The following RAD23B variants were observed in gnomAD, a reference collection of about 807,000 sequenced individuals.
RAD23B encodes RAD23 nucleotide excision repair protein B.
RAD23B carries 5 observed loss-of-function variants against 49.1 expected under a neutral mutation model. That is an observed-to-expected ratio of 0.10 (90% CI 0.05 to 0.21). RAD23B has a LOEUF of 0.21. Ranked by LOEUF, RAD23B falls within the 10% of genes least tolerant of loss-of-function variation. RAD23B has a pLI of 1.00. For missense variants in RAD23B, 356 were observed against 486.7 expected, an observed-to-expected ratio of 0.73 and a Z score of 2.53; for synonymous variants, 184 against 165.4, an observed-to-expected ratio of 1.11 and a Z score of -0.86.
Position 107,331,557 on chromosome 9 carries a change from C to T in RAD23B, c.*1901C>T. ...TTCTCAGGAGAATAAAATGAGAATT[C>T]ATATATACGTTCATCTTTCAAGTCA... On this transcript the variant is annotated 3_prime_UTR_variant, in exon 10 of 10. Coordinates refer to ENST00000358015, the MANE Select transcript of RAD23B (RefSeq NM_002874.5). 1.6e-6 allele frequency: 1 copy of T among 644,390 alleles called. No individual in the cohort carries two copies. The highest frequency in any genetic ancestry group is 2.8e-6 in the Non-Finnish European group (1 of 357,020). 39.9% of individuals were successfully genotyped at this position (644,390 alleles called of 1,614,324 possible).
At chr9:107,305,052 G>T (rs540871500) in intron 3 of RAD23B, among the ~76,000 whole-genome samples, 45 of 152,304 alleles carry the variant, frequency 3.0e-4, no homozygotes, top group Non-Finnish European at 5.7e-4. Flanking sequence ...GCCTTGGGAG[G>T]CCAAGGTGGG....
intron 7 of RAD23B, 104 bp from the exon 8 acceptor site, chr9:107,323,786 A>C: frequency 1.8e-6 from 2 of 1,101,288 alleles, no homozygotes; most frequent in Non-Finnish European, 1.4e-6. Flanking sequence ...TGAGAACTCA[A>C]ATCATTTTTT....
chr9:107,323,486 A>G (rs1233755869), intron 7 of RAD23B, among the ~76,000 whole-genome samples: 2 of 152,168 alleles, frequency 1.3e-5, no homozygotes, highest in Non-Finnish European at 2.9e-5. Context: ...TTGTTTATAA[A>G]GTAAGTGAGT....
Position 107,309,202 on chromosome 9 carries a change from G to C in RAD23B, c.498-2480G>C, listed in dbSNP as rs554294892. On this transcript the variant is annotated intron_variant, in intron 4 of 9. Coordinates refer to ENST00000358015, the MANE Select transcript of RAD23B (RefSeq NM_002874.5). ...TGAATTCTTGGGCCACCCTGGACCT[G>C]TAAATCAGAATTATCTGGGAGTGGA... Among the ~76,000 whole-genome samples the C allele has an allele frequency of 2.6e-5, 4 of 152,312 alleles. No individual in the cohort carries two copies. The East Asian group carries it at 7.7e-4, about 29-fold the overall frequency.
At chr9:107,311,785 G>A (rs1481258303) in intron 5 of RAD23B, 48 bp downstream of exon 5, 1 of 1,379,540 alleles carries the variant, frequency 7.2e-7, no homozygotes, top group Admixed American at 2.5e-5. Context: ...AGATAGGAAA[G>A]AGGTTTCACT....
rs73517731 is a variant in RAD23B at position 107,313,635 on chromosome 9, C to T, written c.553+1898C>T. Among the ~76,000 whole-genome samples, 837 of 152,304 alleles carry T rather than the reference C, an allele frequency of 5.5e-3. 7 individuals are homozygous for T. The highest frequency in any genetic ancestry group is 0.019 in the African/African-American group (803 of 41,552). ...GGGAATGACCAATACCATCCATATACTATATAGATTCCCCAAATTACAGCT... is the reference window on the plus strand; with the variant it reads ...GGGAATGACCAATACCATCCATATATTATATAGATTCCCCAAATTACAGCT... On this transcript the variant is annotated intron_variant, in intron 5 of 9. Coordinates refer to ENST00000358015, the MANE Select transcript of RAD23B (RefSeq NM_002874.5).
intron 6 of RAD23B, among the ~76,000 whole-genome samples, chr9:107,321,160 T>C (rs145687346): frequency 6.6e-6 from 1 of 152,178 alleles, no homozygotes. Context: ...AGGCATCACC[T>C]AAAAACTAAA....
intron 4 of RAD23B, 143 bp downstream of exon 4, chr9:107,306,790 T>A: frequency 1.1e-6 from 1 of 912,080 alleles, no homozygotes; most frequent in Non-Finnish European, 1.6e-6. Context: ...AAACATATGC[T>A]GCGTCTGTTT....
intron 1 of RAD23B, among the ~76,000 whole-genome samples, chr9:107,289,717 G>C (rs1443189664): frequency 6.6e-6 from 1 of 152,176 alleles, no homozygotes; most frequent in Non-Finnish European, 1.5e-5. Context: ...TACTCAGTAT[G>C]TGCCTTTTGG....
intron 1 of RAD23B, among the ~76,000 whole-genome samples, chr9:107,296,975 C>G (rs970873975): frequency 1.3e-5 from 2 of 151,636 alleles, no homozygotes; most frequent in Admixed American, 6.6e-5. Context: ...CTGCCTCAGC[C>G]TCCCGAGTAG....
chr9:107,329,862 C>G lies in RAD23B; in HGVS notation c.*206C>G. The G allele has an allele frequency of 2.7e-6, 1 of 364,254 alleles. No homozygotes were observed. The highest frequency in any genetic ancestry group is 4.3e-5 in the Admixed American group (1 of 23,078). 22.6% of individuals were successfully genotyped at this position (364,254 alleles called of 1,614,324 possible). A position where few individuals can be genotyped will look rare whatever the true frequency, so the allele number is the denominator to read the frequency against. ...AATTAGCAGATGCCGCAACTCCACA[C>G]AGTGTGTAAAATATATACAACCAAA... is the stretch of plus-strand genomic sequence containing the variant. On this transcript the variant is annotated 3_prime_UTR_variant, in exon 10 of 10. Coordinates refer to ENST00000358015, the MANE Select transcript of RAD23B (RefSeq NM_002874.5).
intron 1 of RAD23B, 92 bp from the exon 2 acceptor site, chr9:107,300,049 A>G: frequency 1.4e-6 from 2 of 1,422,912 alleles, no homozygotes; most frequent in South Asian, 2.8e-5. Flanking sequence ...ATAATTATGT[A>G]TATAATTTTT....
At position 107,283,384 on chromosome 9, in the gene RAD23B, G is replaced by A; in HGVS notation, c.-246G>A. ...GCAGACTCCGTGGCTGGCGCTCGGC[G>A]CGTGAGGAAGCACGGCGGCCCGAGT... On this transcript the variant is annotated 5_prime_UTR_variant, in exon 1 of 10. Coordinates refer to ENST00000358015, the MANE Select transcript of RAD23B (RefSeq NM_002874.5). The A allele has an allele frequency of 2.3e-6, 1 of 428,582 alleles. No individual in the cohort carries two copies. The highest frequency in any genetic ancestry group is 4.1e-6 in the Non-Finnish European group (1 of 246,510). The allele number at this position is 428,582 out of a possible 1,614,324, so 26.5% of individuals were successfully genotyped here.
rs763203241 is a variant in RAD23B, at chr9:107,322,024, C to G, written c.723C>G (p.Pro241=). The change falls in exon 7 of 10, where the codon CCC becomes CCG. Residue 241 remains proline, a synonymous_variant. Coordinates refer to ENST00000358015, the MANE Select transcript of RAD23B (RefSeq NM_002874.5). The stretch of plus-strand genomic sequence containing the variant: ...GAGAAAGTCAGGCTGTGGTTGACCC[C>G]CCTCAAGCAGCTAGTACTGGGGCTC... The part of the protein sequence containing the change: ...GDRESQAVVD[P]PQAASTGAPQ... 23 of 1,613,040 alleles carry G rather than the reference C, an allele frequency of 1.4e-5. No individual in the cohort carries two copies. The highest frequency in any genetic ancestry group is 1.3e-4 in the East Asian group (6 of 44,826).
Position 107,293,998 on chromosome 9 carries a change from T to C in RAD23B, c.67-6143T>C, listed in dbSNP as rs374153459. Among the ~76,000 whole-genome samples, 6 of 152,222 alleles carry C rather than the reference T, an allele frequency of 3.9e-5. No homozygotes were observed. The East Asian group carries it at 5.8e-4, about 15-fold the overall frequency. ...TGGTGGCTCACTATGTTGACCAGGC[T>C]GACCTCAAACTATTGGGATAACAGG... On this transcript the variant is annotated intron_variant, in intron 1 of 9. Coordinates refer to ENST00000358015, the MANE Select transcript of RAD23B (RefSeq NM_002874.5).
intron 1 of RAD23B, among the ~76,000 whole-genome samples, chr9:107,290,323 G>A (rs759626360): frequency 6.6e-6 from 1 of 152,116 alleles, no homozygotes; most frequent in Non-Finnish European, 1.5e-5. Flanking sequence ...CACTCCATCA[G>A]ATCTTTTCTC....
chr9:107,291,216 A>G (rs1833378051), intron 1 of RAD23B, among the ~76,000 whole-genome samples: 1 of 152,182 alleles, frequency 6.6e-6, no homozygotes, highest in Non-Finnish European at 1.5e-5. Context: ...TGTTTTTGCT[A>G]GTGCACTGGC....
At chr9:107,297,052 C>T (rs1826541477) in intron 1 of RAD23B, among the ~76,000 whole-genome samples, 2 of 151,796 alleles carry the variant, frequency 1.3e-5, no homozygotes, top group Non-Finnish European at 2.9e-5. Flanking sequence ...CGGGGTTTCA[C>T]CATGTTGGCC....
chr9:107,292,371 G>T (rs1833399132), intron 1 of RAD23B, among the ~76,000 whole-genome samples: 1 of 152,122 alleles, frequency 6.6e-6, no homozygotes, highest in African/African-American at 2.4e-5. Flanking sequence ...TCAAAGTGTG[G>T]CAGATTGCCT....
Sources: gnomAD v4.1 joint callset for allele counts (sites outside exome capture counted in the v4.1 genomes callset) on GRCh38, gnomAD v4.1.1 for gene constraint, MANE v1.5 for transcripts, NCBI Gene and HGNC (gene_info 2026-07-23, HGNC 2026-07-21) for gene names.